The following PSME3IP1 variants were observed in gnomAD, a reference collection of about 807,000 sequenced individuals.
PSME3IP1 encodes the protein PSME3-interacting protein.
A neutral mutation model predicts 34.1 loss-of-function variants in PSME3IP1; 13 were observed. The observed-to-expected ratio is 0.38, with a 90% CI of 0.25 to 0.61. PSME3IP1 has a LOEUF of 0.61. PSME3IP1 is among the 20% of genes least tolerant of loss of function. The pLI is 0.60. For missense variants in PSME3IP1, 237 were observed against 301.4 expected (o/e 0.79, Z 1.58); for synonymous variants, 93 against 114.3 (o/e 0.81, Z 1.19).
At chr16:57,174,018 G>A (rs1475911307) in intron 1 of PSME3IP1, 149 bp from the exon 2 acceptor site, 51 of 788,132 alleles carry the variant, frequency 6.5e-5, no homozygotes, top group South Asian at 6.3e-4. Flanking sequence ...ATTCTCGGCC[G>A]GGTGCGGTGG....
At chr16:57,158,011 T>A (rs1319091895) in intron 6 of PSME3IP1, among the ~76,000 whole-genome samples, 1 of 152,174 alleles carries the variant, frequency 6.6e-6, no homozygotes, top group African/African-American at 2.4e-5. Flanking sequence ...CATTCTTTTA[T>A]CACCATTCCA....
intron 1 of PSME3IP1, among the ~76,000 whole-genome samples, chr16:57,175,268 C>T (rs2073073817): frequency 6.6e-6 from 1 of 152,162 alleles, no homozygotes; most frequent in East Asian, 1.9e-4. Context: ...CCGCCTAGGC[C>T]TCCCAAAGTG....
intron 4 of PSME3IP1, among the ~76,000 whole-genome samples, chr16:57,168,728 G>A (rs996205081): frequency 8.0e-5 from 12 of 150,136 alleles, no homozygotes; most frequent in Admixed American, 4.7e-4. Flanking sequence ...GCTTGAACCC[G>A]GGAGGCAGAG....
chr16:57,173,046 C>T (rs1330611668), intron 2 of PSME3IP1, among the ~76,000 whole-genome samples, 172 bp from the exon 3 acceptor site: 1 of 152,214 alleles, frequency 6.6e-6, no homozygotes, highest in African/African-American at 2.4e-5. Context: ...CCCTTTGGAC[C>T]TCAGAGAGGG....
In PSME3IP1 at chr16:57,158,985, G is replaced by A. The variant is rs190547470; in HGVS notation, c.548-4478C>T. ...AAAATACGATATTATGATCTTATGGGACCACCATCATATATGCACCCATCA... is the reference window on the plus strand; with the variant it reads ...AAAATACGATATTATGATCTTATGGAACCACCATCATATATGCACCCATCA... On this transcript the variant is annotated intron_variant, in intron 6 of 6. Transcript: ENST00000309137. 3.8e-3 allele frequency among the ~76,000 whole-genome samples: 575 copies of A among 152,268 alleles called. 2 individuals are homozygous for A. Among genetic ancestry groups the A allele is most frequent in the African/African-American group, 0.013 (526 of 41,544 alleles).
At chr16:57,167,299 T>C in intron 4 of PSME3IP1, 73 bp from the exon 5 acceptor site, 1 of 1,529,288 alleles carries the variant, frequency 6.5e-7, no homozygotes, top group South Asian at 1.1e-5. Context: ...CCTTCGGCTG[T>C]GCGATGTAAT....
intron 1 of PSME3IP1, among the ~76,000 whole-genome samples, chr16:57,176,247 C>T (rs1381167743): frequency 6.6e-6 from 1 of 152,184 alleles, no homozygotes; most frequent in African/African-American, 2.4e-5. Context: ...ATTCCGAACC[C>T]TCAATTTCCC....
chr16:57,181,792 C>T (rs1282939040), intron 1 of PSME3IP1: 1 of 152,170 alleles, frequency 6.6e-6, no homozygotes, highest in African/African-American at 2.4e-5. Flanking sequence ...ATTATAAAAG[C>T]ATATTACAAA....
chr16:57,178,000 T>A (rs1298739403), intron 1 of PSME3IP1, among the ~76,000 whole-genome samples: 2 of 152,152 alleles, frequency 1.3e-5, no homozygotes, highest in Non-Finnish European at 2.9e-5. Flanking sequence ...ATAAATAAAT[T>A]AATTAATTAG....
chr16:57,176,174 T>C (rs1255954306), intron 1 of PSME3IP1, among the ~76,000 whole-genome samples: 1 of 152,226 alleles, frequency 6.6e-6, no homozygotes, highest in Non-Finnish European at 1.5e-5. Context: ...GAGCCAACAA[T>C]TTCTTAAATG....
Position 57,173,815 on chromosome 16 carries a change from T to C in PSME3IP1, c.40A>G (p.Arg14Gly). 1.2e-6 allele frequency: 2 copies of C among 1,614,004 alleles called. No homozygotes were observed. The highest frequency in any genetic ancestry group is 2.7e-5 in the African/African-American group (2 of 74,988). The stretch of plus-strand genomic sequence containing the variant: ...TCTAGTTCTGCCTCAGACACAAACC[T>C]CTTTTTGATAATAAGGTTACCATCA... ...GDDGNLIIKK[R>G]FVSEAELDER... Residue 14 changes from arginine to glycine, a missense_variant, in exon 2 of 7, where the codon AGG becomes GGG. Arg to Gly is a moderately radical substitution (Grantham distance 125). Transcript: ENST00000309137.
At chr16:57,163,608 C>G (rs2071525853) in intron 6 of PSME3IP1, among the ~76,000 whole-genome samples, 1 of 152,166 alleles carries the variant, frequency 6.6e-6, no homozygotes. Flanking sequence ...CAATCCAGTA[C>G]AACAATGAGC....
chr16:57,175,825 GA>G (rs1325244807), intron 1 of PSME3IP1: 1 of 152,122 alleles, frequency 6.6e-6, no homozygotes, highest in Non-Finnish European at 1.5e-5. Context: ...CCAGTGCTGA[GA>G]ATATTCATGC....
intron 6 of PSME3IP1, among the ~76,000 whole-genome samples, chr16:57,161,220 G>T (rs2071184591): frequency 6.6e-6 from 1 of 152,172 alleles, no homozygotes; most frequent in South Asian, 2.1e-4. Flanking sequence ...TTGAAAAAGA[G>T]GAGCCAAGTT....
chr16:57,183,698 G>C (rs2073922919), intron 1 of PSME3IP1, among the ~76,000 whole-genome samples: 1 of 152,154 alleles, frequency 6.6e-6, no homozygotes, highest in African/African-American at 2.4e-5. Flanking sequence ...AATCTAGAAG[G>C]TGAAAACCAG....
chr16:57,172,907 C>T (rs376703692), intron 2 of PSME3IP1, 33 bp from the exon 3 acceptor site: 15 of 1,323,280 alleles, frequency 1.1e-5, no homozygotes, highest in African/African-American at 5.8e-5. Flanking sequence ...GAGAGGTGGA[C>T]GGGGAGGAGA....
intron 5 of PSME3IP1, among the ~76,000 whole-genome samples, chr16:57,164,969 G>A (rs1231620249): frequency 4.6e-5 from 7 of 151,278 alleles, no homozygotes; most frequent in African/African-American, 1.7e-4. Context: ...AGGCACAGGT[G>A]TGCCAAGATT....
intron 1 of PSME3IP1, among the ~76,000 whole-genome samples, chr16:57,175,937 G>A (rs1442346854): frequency 1.3e-5 from 2 of 152,228 alleles, no homozygotes; most frequent in African/African-American, 4.8e-5. Flanking sequence ...TGTTGCTGAG[G>A]TTTAGTTTAA....
intron 4 of PSME3IP1, among the ~76,000 whole-genome samples, chr16:57,168,809 A>C (rs1414414063): frequency 6.8e-6 from 1 of 146,694 alleles, no homozygotes; most frequent in Non-Finnish European, 1.5e-5. Flanking sequence ...GTCTCAAAAA[A>C]AAAAAAAAAA....
Sources: gnomAD v4.1 joint callset for allele counts (sites outside exome capture counted in the v4.1 genomes callset) on GRCh38, gnomAD v4.1.1 for gene constraint, MANE v1.5 for transcripts, NCBI Gene and HGNC (gene_info 2026-07-23, HGNC 2026-07-21) for gene names.